ADARB1: variants seen among roughly 807,000 people sequenced by gnomAD.
ADARB1 encodes double-stranded RNA-specific editase 1.
In ADARB1, 10 loss-of-function variants were observed where a neutral mutation model predicts 52.4. The observed-to-expected ratio is 0.19, with a 90% CI of 0.12 to 0.32. The LOEUF is 0.32. Among genes scored for constraint, ADARB1 ranks in the 10% least tolerant of loss-of-function variants. The probability of loss-of-function intolerance (pLI) is 1.00; values close to 1 mark genes in which losing one functional copy is unlikely to be tolerated. For missense variants in ADARB1, 643 were observed against 922.3 expected (o/e 0.70, Z 3.92); for synonymous variants, 349 against 371.1 (o/e 0.94, Z 0.68).
chr21:45,105,727 G>A (rs77627498), intron 1 of ADARB1, among the ~76,000 whole-genome samples: 22 of 152,384 alleles, frequency 1.4e-4, no homozygotes, highest in African/African-American at 5.3e-4. Context: ...TCAGTATGCA[G>A]ATGATTTCAA....
intron 2 of ADARB1, among the ~76,000 whole-genome samples, chr21:45,138,864 C>T (rs1205761516): frequency 6.6e-6 from 1 of 151,654 alleles, no homozygotes; most frequent in Non-Finnish European, 1.5e-5. Context: ...AAGCACTTAT[C>T]TGGCCCTCAG....
rs745942950 is a variant in ADARB1, at chr21:45,220,812, A to G, written c.1748-24A>G. ...TGGGGGTGAAAGCGGGCTTCACACC[A>G]CCTTCCTGTGTCTTCCGTTTCAGGC... On this transcript the variant is annotated intron_variant, in intron 9 of 10. Coordinates refer to ENST00000348831, the MANE Select transcript of ADARB1 (RefSeq NM_001112.4). This position sits in a 1 kb window ranked among gnomAD's most constrained non-coding sequence, Gnocchi z 6.3. The G allele has an allele frequency of 2.5e-6, 4 of 1,608,002 alleles. No individual in the cohort carries two copies. Among genetic ancestry groups the G allele is most frequent in the Non-Finnish European group, 3.4e-6 (4 of 1,175,938 alleles).
At chr21:45,135,413 C>T (rs1002716388) in intron 2 of ADARB1, among the ~76,000 whole-genome samples, 21 of 152,220 alleles carry the variant, frequency 1.4e-4, no homozygotes, top group African/African-American at 4.8e-4. Context: ...GAGTTAAAAC[C>T]ATAAACAGGT....
At chr21:45,075,582 C>T (rs762325975) in intron 1 of ADARB1, among the ~76,000 whole-genome samples, 17 of 152,212 alleles carry the variant, frequency 1.1e-4, no homozygotes, top group Non-Finnish European at 2.1e-4. Context: ...CAGTTGGGGG[C>T]CCGAGGTGAC....
In ADARB1 at chr21:45,109,187, A is replaced by G. The variant is rs559390458; in HGVS notation, c.-219-19215A>G. ...TATGTGTGTGCGCGCGTGTGCGTAT[A>G]TGTGTGTGCACGTGTGTTTGCGCGC... On this transcript the variant is annotated intron_variant, in intron 1 of 10. Coordinates refer to ENST00000348831, the MANE Select transcript of ADARB1 (RefSeq NM_001112.4). Among the ~76,000 whole-genome samples, 15 of 67,854 alleles carry G rather than the reference A, an allele frequency of 2.2e-4. No individual in the cohort carries two copies. The East Asian group carries it at 5.2e-3, about 24-fold the overall frequency. The allele number at this position is 67,854 out of a possible 152,430, so 44.5% of individuals were successfully genotyped here. A position where few individuals can be genotyped will look rare whatever the true frequency, so the allele number is the denominator to read the frequency against.
In ADARB1 at chr21:45,129,958, G is replaced by C. The variant is rs1005183451; in HGVS notation, c.-48+1385G>C. 1.4e-4 allele frequency among the ~76,000 whole-genome samples: 21 copies of C among 152,214 alleles called. No homozygotes were observed. In the South Asian group the frequency reaches 2.3e-3, roughly 17 times the overall value. On this transcript the variant is annotated intron_variant, in intron 2 of 10. Coordinates refer to ENST00000348831, the MANE Select transcript of ADARB1 (RefSeq NM_001112.4). The stretch of plus-strand genomic sequence containing the variant: ...TTATCTTCAACCGATGCTTTTTTTG[G>C]GGGGGTACACAGGCAGTCCAAGTAT...
chr21:45,151,486 CTAAT>C (rs1264213589), intron 2 of ADARB1, among the ~76,000 whole-genome samples: 3 of 152,208 alleles, frequency 2.0e-5, no homozygotes, highest in African/African-American at 7.2e-5. Flanking sequence ...AAGAATCTGA[CTAAT>C]TAATTTGTCT....
rs2085908757 is a variant in ADARB1, at chr21:45,075,774, TCCC to T, written c.-220+982_-220+984del. ...GGAGATCTGCACCGTGGTGTTTAGT[TCCC>T]AGTTAATATTTTTGGTCAGCAGGTT... On this transcript the variant is annotated intron_variant, in intron 1 of 10. Transcript: ENST00000348831. 2.0e-5 allele frequency among the ~76,000 whole-genome samples: 3 copies of T among 152,196 alleles called. 1 individual carries two copies. In the South Asian group the frequency reaches 6.2e-4, roughly 32 times the overall value.
intron 6 of ADARB1, 47 bp from the exon 7 acceptor site, chr21:45,183,315 A>T: frequency 6.5e-7 from 1 of 1,531,628 alleles, no homozygotes. Flanking sequence ...CTAAAATTTA[A>T]CTATATACAG....
chr21:45,094,442 C>T (rs573945926), intron 1 of ADARB1, among the ~76,000 whole-genome samples: 10 of 152,280 alleles, frequency 6.6e-5, no homozygotes, highest in African/African-American at 2.4e-4. Flanking sequence ...CCCTAGGATA[C>T]TTTTGAATGA....
chr21:45,184,480 G>A (rs1038611129), intron 7 of ADARB1: 2 of 207,558 alleles, frequency 9.6e-6, no homozygotes, highest in Non-Finnish European at 1.9e-5. Context: ...ACAGGGTCTC[G>A]CTCTTACACC....
rs2091724939 is a variant in ADARB1, at chr21:45,176,992, C to CTA, written c.963+329_963+330insAT. On this transcript the variant is annotated intron_variant, in intron 4 of 10. Transcript: ENST00000348831. The surrounding 1 kb of genome is among the most constrained non-coding windows in gnomAD (Gnocchi z 5.8). Reference sequence around the variant, plus strand: ...CCATGACCCTCATCCCACAGCAAGCCTTTAGCAGGAGAGACGGAAGAAGAG... The same window carrying CTA: ...CCATGACCCTCATCCCACAGCAAGCCTATTTAGCAGGAGAGACGGAAGAAGAG... 3.9e-6 allele frequency: 1 copy of CTA among 253,378 alleles called. No homozygotes were observed. 15.7% of individuals were successfully genotyped at this position (253,378 alleles called of 1,614,324 possible).
intron 2 of ADARB1, among the ~76,000 whole-genome samples, chr21:45,143,340 T>C (rs2089833295): frequency 6.6e-6 from 1 of 152,188 alleles, no homozygotes; most frequent in Non-Finnish European, 1.5e-5. Flanking sequence ...AAATTCTCAT[T>C]CCCTTGCCTT....
chr21:45,192,976 C>A (rs1190183200), intron 8 of ADARB1, among the ~76,000 whole-genome samples: 1 of 152,012 alleles, frequency 6.6e-6, no homozygotes, highest in Non-Finnish European at 1.5e-5. Context: ...AAAAGAAAAA[C>A]CCCAAGCTCA....
intron 2 of ADARB1, among the ~76,000 whole-genome samples, chr21:45,136,728 C>T (rs762720254): frequency 9.9e-5 from 15 of 152,254 alleles, no homozygotes; most frequent in Non-Finnish European, 1.9e-4. Context: ...CACCCTGCCG[C>T]TCTCCCCCAG....
chr21:45,096,346 G>T (rs962088985), intron 1 of ADARB1, among the ~76,000 whole-genome samples: 2 of 152,254 alleles, frequency 1.3e-5, no homozygotes, highest in Non-Finnish European at 2.9e-5. Flanking sequence ...CTGAGGAAGG[G>T]TTTTGCATAT....
At chr21:45,081,301 A>G (rs2086139904) in intron 1 of ADARB1, among the ~76,000 whole-genome samples, 1 of 152,210 alleles carries the variant, frequency 6.6e-6, no homozygotes, top group Non-Finnish European at 1.5e-5. Context: ...CGTGCCTCAC[A>G]ACTACACACG....
intron 1 of ADARB1, among the ~76,000 whole-genome samples, chr21:45,127,299 T>C (rs932598931): frequency 6.6e-6 from 1 of 152,078 alleles, no homozygotes. Flanking sequence ...GGTGTGGGGA[T>C]GATGGGGGTC....
intron 8 of ADARB1, among the ~76,000 whole-genome samples, chr21:45,185,801 T>G (rs565073587): frequency 3.3e-5 from 5 of 152,350 alleles, no homozygotes; most frequent in Admixed American, 2.0e-4. Context: ...AATGATAAAG[T>G]TTAAAACCTC....
Sources: allele counts gnomAD v4.1 joint callset (sites outside exome capture counted in the v4.1 genomes callset), GRCh38; gene constraint gnomAD v4.1.1; non-coding constraint Gnocchi (gnomAD v3.1); transcripts MANE v1.5; gene names NCBI Gene and HGNC (gene_info 2026-07-23, HGNC 2026-07-21).